SLC9A7: variants seen among roughly 807,000 people sequenced by gnomAD.
SLC9A7 encodes the protein solute carrier family 9 member A7.
SLC9A7 carries 19 observed loss-of-function variants against 52.6 expected under a neutral mutation model. That is an observed-to-expected ratio of 0.36 (90% confidence interval 0.25 to 0.53). SLC9A7 has a LOEUF of 0.53. SLC9A7 is among the 20% of genes least tolerant of loss of function. The probability of loss-of-function intolerance (pLI) is 0.91; values close to 1 mark genes in which losing one functional copy is unlikely to be tolerated. For missense variants in SLC9A7, 455 were observed against 597.9 expected (o/e 0.76, Z 2.49); for synonymous variants, 226 against 252.1 (o/e 0.90, Z 0.98).
intron 14 of SLC9A7, among the ~76,000 whole-genome samples, chrX:46,624,763 CTTT>C (rs1943097731): frequency 1.8e-5 from 2 of 112,310 alleles, no homozygotes; most frequent in Non-Finnish European, 3.8e-5. Context: ...TCTTGTGTGG[CTTT>C]TTACACAAGG....
intron 1 of SLC9A7, among the ~76,000 whole-genome samples, chrX:46,716,037 C>T (rs1024492910): frequency 1.8e-5 from 2 of 111,507 alleles, no homozygotes; most frequent in Middle Eastern, 4.2e-3. Context: ...GCAGGCAGTG[C>T]ACATATAGAC....
At chrX:46,730,458 A>G (rs1334376625) in intron 1 of SLC9A7, among the ~76,000 whole-genome samples, 2 of 106,341 alleles carry the variant, frequency 1.9e-5, no homozygotes, top group African/African-American at 6.8e-5. Context: ...CAAAAGTTCA[A>G]GACCACCCTG....
chrX:46,620,790 G>A (rs1943033328), intron 15 of SLC9A7, among the ~76,000 whole-genome samples, 187 bp downstream of exon 15: 1 of 112,246 alleles, frequency 8.9e-6, no homozygotes, highest in African/African-American at 3.2e-5. Flanking sequence ...CATTCCTCTT[G>A]GCCAGAGAGA....
intron 5 of SLC9A7, among the ~76,000 whole-genome samples, 171 bp downstream of exon 5, chrX:46,669,436 G>C (rs1280064600): frequency 9.1e-6 from 1 of 109,599 alleles, no homozygotes; most frequent in African/African-American, 3.3e-5. Context: ...GAAAAGAAAA[G>C]CCATCTAAGT....
chrX:46,741,629 C>T (rs761031703), intron 1 of SLC9A7, among the ~76,000 whole-genome samples: 7 of 110,997 alleles, frequency 6.3e-5, no homozygotes, highest in African/African-American at 2.0e-4. Context: ...AACCTCATAC[C>T]TTCTACAAAC....
intron 1 of SLC9A7, chrX:46,725,283 T>C: frequency 1.7e-6 from 2 of 1,144,058 alleles, no homozygotes; most frequent in Non-Finnish European, 1.2e-6. Context: ...ATAAGAACTG[T>C]CTTCATCAGC....
chrX:46,676,128 A>T (rs1209027710), intron 3 of SLC9A7, among the ~76,000 whole-genome samples: 1 of 111,432 alleles, frequency 9.0e-6, no homozygotes, highest in Non-Finnish European at 1.9e-5. Flanking sequence ...AATGTAATGA[A>T]ACTCAAAGAG....
chrX:46,728,306 A>T (rs1325483390), intron 1 of SLC9A7, among the ~76,000 whole-genome samples: 2 of 111,787 alleles, frequency 1.8e-5, no homozygotes, highest in African/African-American at 3.2e-5. Flanking sequence ...TACACAACTC[A>T]ATTAGACAAA....
At chrX:46,679,571 A>C (rs1019507484) in intron 3 of SLC9A7, 107 bp downstream of exon 3, 18 of 602,055 alleles carry the variant, frequency 3.0e-5, no homozygotes, top group Non-Finnish European at 4.7e-5. Flanking sequence ...GTGGGTGCAG[A>C]ACAAAGTAAT....
At chrX:46,670,632 T>G (rs1944004283) in intron 4 of SLC9A7, among the ~76,000 whole-genome samples, 1 of 111,538 alleles carries the variant, frequency 9.0e-6, no homozygotes, top group African/African-American at 3.3e-5. Flanking sequence ...AGATTCTTGA[T>G]GCCATTGCCC....
At chrX:46,670,332 C>G (rs758607176) in intron 4 of SLC9A7, among the ~76,000 whole-genome samples, 26 of 112,200 alleles carry the variant, frequency 2.3e-4, no homozygotes, top group African/African-American at 6.5e-4. Context: ...AGCAATAGCC[C>G]TCCTTATGCT....
chrX:46,682,425 C>T lies in SLC9A7; in HGVS notation c.436G>A (p.Val146Ile). The T allele has an allele frequency of 8.3e-7, 1 of 1,211,212 alleles. No individual in the cohort carries two copies. Among genetic ancestry groups the T allele is most frequent in the Non-Finnish European group, 1.1e-6 (1 of 895,164 alleles). Residue 146 changes from valine to isoleucine, a missense_variant, in exon 2 of 17, where the codon GTC (valine) becomes ATC (isoleucine). Val to Ile is a conservative substitution (Grantham distance 29, BLOSUM62 3). Transcript: ENST00000616978. ...DRAFSTLLVN[V>I]SGKFFEYTLK... is the part of the protein sequence containing the mutation. ...GTGTATTCGAAGAACTTTCCGCTGACATTCACTAATAAGGTACTGAAGGCC... is the reference window on the plus strand; with the variant it reads ...GTGTATTCGAAGAACTTTCCGCTGATATTCACTAATAAGGTACTGAAGGCC...
rs915682654 is a variant in SLC9A7 at position 46,612,783 on chromosome X, C to T, written c.1929+506G>A. Among the ~76,000 whole-genome samples, 18 of 107,875 alleles carry T rather than the reference C, an allele frequency of 1.7e-4. 1 individual carries two copies. Among genetic ancestry groups the T allele is most frequent in the Admixed American group, 4.0e-4 (4 of 9,978 alleles). 93.7% of individuals were successfully genotyped at this position (107,875 alleles called of 115,157 possible). ...TCTACTAAAAATACAAAAATTAGCC[C>T]GGTGTGGTGGCAGGCGCCTGTAATC... is the stretch of plus-strand genomic sequence containing the variant. On this transcript the variant is annotated intron_variant, in intron 16 of 16. Coordinates refer to ENST00000616978, the MANE Select transcript of SLC9A7 (RefSeq NM_001257291.2).
At chrX:46,682,282 T>C in intron 2 of SLC9A7, 54 bp downstream of exon 2, 1 of 1,096,394 alleles carries the variant, frequency 9.1e-7, no homozygotes, top group Non-Finnish European at 1.3e-6. Flanking sequence ...TCAAGACAAG[T>C]CAGGGAATCA....
chrX:46,732,546 G>A (rs1479193005), intron 1 of SLC9A7, among the ~76,000 whole-genome samples: 1 of 105,767 alleles, frequency 9.5e-6, no homozygotes, highest in African/African-American at 3.5e-5. Flanking sequence ...GATTGAGACT[G>A]TCTCAAGAAA....
intron 1 of SLC9A7, among the ~76,000 whole-genome samples, chrX:46,730,477 A>C (rs1368834809): frequency 1.9e-5 from 2 of 104,766 alleles, no homozygotes; most frequent in Non-Finnish European, 3.9e-5. Flanking sequence ...TGGGAATCAA[A>C]GTGAGACCTG....
chrX:46,711,906 A>T (rs1299528749), intron 1 of SLC9A7, among the ~76,000 whole-genome samples: 1 of 98,153 alleles, frequency 1.0e-5, no homozygotes, highest in Non-Finnish European at 1.9e-5. Context: ...AATTACACAC[A>T]CACACACACA....
intron 1 of SLC9A7, among the ~76,000 whole-genome samples, chrX:46,755,964 T>A (rs559506445): frequency 9.1e-6 from 1 of 109,667 alleles, no homozygotes; most frequent in South Asian, 3.8e-4. Flanking sequence ...TGCATGTCCT[T>A]CCAGAGATAT....
rs1353927323 is a variant in SLC9A7, at chrX:46,605,911, T to C, written c.*1041A>G. ...TGGCTCACACCTGTAATCCCAGCACTTTGGGAGGCCAAGGGAGGTGGATCA... is the reference window on the plus strand; with the variant it reads ...TGGCTCACACCTGTAATCCCAGCACCTTGGGAGGCCAAGGGAGGTGGATCA... On this transcript the variant is annotated 3_prime_UTR_variant, in exon 17 of 17. Coordinates refer to ENST00000616978, the MANE Select transcript of SLC9A7 (RefSeq NM_001257291.2). The C allele has an allele frequency of 8.9e-6, 1 of 111,862 alleles. No homozygotes were observed. Among genetic ancestry groups the C allele is most frequent in the Non-Finnish European group, 1.9e-5 (1 of 53,187 alleles). The allele number at this position is 111,862 out of a possible 1,213,427, so 9.2% of individuals were successfully genotyped here.
Sources: gnomAD v4.1 joint callset for allele counts (sites outside exome capture counted in the v4.1 genomes callset) on GRCh38, gnomAD v4.1.1 for gene constraint, MANE v1.5 for transcripts, NCBI Gene and HGNC (gene_info 2026-07-23, HGNC 2026-07-21) for gene names.